Variants in IYD observed in about 807,000 individuals in gnomAD.
IYD encodes iodotyrosine deiodinase 1.
In IYD, 25 loss-of-function variants were observed where a neutral mutation model predicts 28.4. The observed-to-expected ratio is 0.88, with a 90% CI of 0.64 to 1.23. The LOEUF is 1.23. IYD is among the 50% of genes most tolerant of loss of function. The probability of loss-of-function intolerance (pLI) is 0.00; values close to 1 mark genes in which losing one functional copy is unlikely to be tolerated. For synonymous variants in IYD, 140 were observed against 130.8 expected, an observed-to-expected ratio of 1.07 and a Z score of -0.48; for missense variants, 352 against 357.9, an observed-to-expected ratio of 0.98 and a Z score of 0.13.
chr6:150,378,697 T>C (rs1004666399), intron 1 of IYD, among the ~76,000 whole-genome samples: 10 of 152,218 alleles, frequency 6.6e-5, no homozygotes, highest in Non-Finnish European at 1.3e-4. Context: ...CTGGTGGGAC[T>C]GTAAACTAGT....
Position 150,398,578 on chromosome 6 carries a change from G to A in IYD, c.*341G>A. 4.7e-6 allele frequency: 1 copy of A among 212,634 alleles called. No homozygotes were observed. The highest frequency in any genetic ancestry group is 1.1e-4 in the South Asian group (1 of 8,954). 13.2% of individuals were successfully genotyped at this position (212,634 alleles called of 1,614,324 possible). ...AGGAGACAATCAGAAATTTACCATA[G>A]TCCCAAGAATTCAGCTACATGATGA... On this transcript the variant is annotated 3_prime_UTR_variant, in exon 5 of 5. Coordinates refer to ENST00000344419, the MANE Select transcript of IYD (RefSeq NM_203395.3).
intron 1 of IYD, among the ~76,000 whole-genome samples, chr6:150,381,702 C>G (rs1277001259): frequency 6.6e-6 from 1 of 152,130 alleles, no homozygotes; most frequent in Non-Finnish European, 1.5e-5. Context: ...TTGCATTACT[C>G]TTACACAACT....
Position 150,402,133 on chromosome 6 carries a change from T to G in IYD, c.*3896T>G, listed in dbSNP as rs1778529180. On this transcript the variant is annotated 3_prime_UTR_variant, in exon 5 of 5. Transcript: ENST00000344419. ...ATGCAATGCTTGTGACTTGACGTGA[T>G]AAAAGTTCATTTATTGGGCAGGCAA... 1 of 152,242 alleles carries G rather than the reference T, an allele frequency of 6.6e-6. No homozygotes were observed. The highest frequency in any genetic ancestry group is 1.5e-5 in the Non-Finnish European group (1 of 68,048). 9.4% of individuals were successfully genotyped at this position (152,242 alleles called of 1,614,324 possible).
chr6:150,390,775 T>G (rs1319336990), intron 2 of IYD, among the ~76,000 whole-genome samples: 1 of 152,140 alleles, frequency 6.6e-6, no homozygotes, highest in Non-Finnish European at 1.5e-5. Context: ...AGCTGGCCCC[T>G]ACTCTCACCA....
At chr6:150,376,138 T>G (rs1199635614) in intron 1 of IYD, among the ~76,000 whole-genome samples, 4 of 152,090 alleles carry the variant, frequency 2.6e-5, no homozygotes, top group South Asian at 2.1e-4. Context: ...GCTGATAAGG[T>G]GTATTACCAC....
rs1332213325 is a variant in IYD at position 150,403,689 on chromosome 6, G to C, written c.*5452G>C. 6.6e-6 allele frequency: 1 copy of C among 152,246 alleles called. No individual in the cohort carries two copies. Among genetic ancestry groups the C allele is most frequent in the Non-Finnish European group, 1.5e-5 (1 of 68,048 alleles). The allele number at this position is 152,246 out of a possible 1,614,324, so 9.4% of individuals were successfully genotyped here. A position where few individuals can be genotyped will look rare whatever the true frequency, so the allele number is the denominator to read the frequency against. ...ATACAGTAGTTCTAATGAAATGTGA[G>C]AGGCTATAATCCCATTTGGGAAATT... On this transcript the variant is annotated 3_prime_UTR_variant, in exon 5 of 5. Coordinates refer to ENST00000344419, the MANE Select transcript of IYD (RefSeq NM_203395.3).
In IYD at chr6:150,394,135, T is replaced by C. The variant is rs1256176585; in HGVS notation, c.567T>C (p.Pro189=). The change falls in exon 4 of 5, where the codon CCT becomes CCC. Residue 189 remains proline, a synonymous_variant. Transcript: ENST00000344419. ...NWIKEYLDTA[P]ILILIFKQVH... ...TTAAAGAGTACTTGGATACTGCCCCTATTTTGATTCTCATTTTCAAACAAG... is the reference window on the plus strand; with the variant it reads ...TTAAAGAGTACTTGGATACTGCCCCCATTTTGATTCTCATTTTCAAACAAG... 1 of 1,614,196 alleles carries C rather than the reference T, an allele frequency of 6.2e-7. No homozygotes were observed. Among genetic ancestry groups the C allele is most frequent in the Admixed American group, 1.7e-5 (1 of 60,032 alleles).
chr6:150,383,619 C>T (rs1033381203), intron 1 of IYD, among the ~76,000 whole-genome samples: 36 of 152,028 alleles, frequency 2.4e-4, no homozygotes, highest in African/African-American at 8.0e-4. Context: ...GCCACAACCA[C>T]AAATTGCAGC....
chr6:150,396,271 T>A (rs1450482949), intron 4 of IYD: 1 of 402,548 alleles, frequency 2.5e-6, no homozygotes, highest in Non-Finnish European at 4.3e-6. Context: ...ACTTTTTTTT[T>A]CAAATTCAAG....
chr6:150,374,668 G>C (rs1243135639), intron 1 of IYD, among the ~76,000 whole-genome samples: 3 of 152,152 alleles, frequency 2.0e-5, no homozygotes, highest in African/African-American at 7.2e-5. Context: ...CCTCCCACTA[G>C]GTCCCTCCCA....
At chr6:150,388,680 T>TTTCTTTCTTTC in intron 1 of IYD, among the ~76,000 whole-genome samples, 1 of 144,980 alleles carries the variant, frequency 6.9e-6, no homozygotes, top group Non-Finnish European at 1.5e-5. Context: ...TCTTTCTTTC[T>TTTCTTTCTTTC]TTCTTCTTTC....
chr6:150,403,823 T>C lies in IYD; in HGVS notation c.*5586T>C, dbSNP rs1287143209. On this transcript the variant is annotated 3_prime_UTR_variant, in exon 5 of 5. Coordinates refer to ENST00000344419, the MANE Select transcript of IYD (RefSeq NM_203395.3). Reference sequence around the variant, plus strand: ...GAATTCAACAGCATTTAAATGTCTTTAGAGCAGGATGGAAATATGTTAGCA... The same window carrying C: ...GAATTCAACAGCATTTAAATGTCTTCAGAGCAGGATGGAAATATGTTAGCA... 6.6e-6 allele frequency: 1 copy of C among 152,234 alleles called. No homozygotes were observed. The highest frequency in any genetic ancestry group is 2.4e-5 in the African/African-American group (1 of 41,466). The allele number at this position is 152,234 out of a possible 1,614,324, so 9.4% of individuals were successfully genotyped here.
At chr6:150,393,665 A>C (rs1778204537) in intron 3 of IYD, among the ~76,000 whole-genome samples, 1 of 152,238 alleles carries the variant, frequency 6.6e-6, no homozygotes, top group African/African-American at 2.4e-5. Flanking sequence ...TGGAAAACAA[A>C]AATTCAGTTC....
chr6:150,371,042 C>A (rs1582763009), intron 1 of IYD, among the ~76,000 whole-genome samples: 1 of 152,024 alleles, frequency 6.6e-6, no homozygotes, highest in African/African-American at 2.4e-5. Flanking sequence ...ACAAAGTGGG[C>A]ATTGCTAGAG....
rs757276785 is a variant in IYD, at chr6:150,389,583, C to A, written c.370+40C>A. 9.8e-6 allele frequency: 15 copies of A among 1,532,178 alleles called. No individual in the cohort carries two copies. In the East Asian group the frequency reaches 2.9e-4, roughly 30 times the overall value. The allele number at this position is 1,532,178 out of a possible 1,614,324, so 94.9% of individuals were successfully genotyped here. Reference sequence around the variant, plus strand: ...ATGGGGTCTTTGGAAATGTTAGTCACCTTACTGGTGTGACTCCAACAATGG... The same window carrying A: ...ATGGGGTCTTTGGAAATGTTAGTCAACTTACTGGTGTGACTCCAACAATGG... On this transcript the variant is annotated intron_variant, in intron 2 of 4. Coordinates refer to ENST00000344419, the MANE Select transcript of IYD (RefSeq NM_203395.3).
rs902410401 is a variant in IYD at position 150,401,759 on chromosome 6, T to C, written c.*3522T>C. ...CCTTAAAACCAAAAAAATAATGGAA[T>C]GATTGCATCACTGCGAGGAAGTATA... On this transcript the variant is annotated 3_prime_UTR_variant, in exon 5 of 5. Transcript: ENST00000344419. The C allele has an allele frequency of 6.6e-6, 1 of 152,206 alleles. No homozygotes were observed. Among genetic ancestry groups the C allele is most frequent in the Admixed American group, 6.5e-5 (1 of 15,282 alleles). The allele number at this position is 152,206 out of a possible 1,614,324, so 9.4% of individuals were successfully genotyped here.
chr6:150,396,346 C>T (rs1242501270), intron 4 of IYD: 1 of 457,674 alleles, frequency 2.2e-6, no homozygotes, highest in Admixed American at 4.0e-5. Flanking sequence ...TTAAAAAAAT[C>T]CTGACCTATA....
chr6:150,370,325 G>A (rs1333598672), intron 1 of IYD: 1 of 171,662 alleles, frequency 5.8e-6, no homozygotes. Context: ...GTGCACGAGT[G>A]GGTGAGTGTG....
chr6:150,392,311 T>C (rs779256817), intron 2 of IYD, 34 bp from the exon 3 acceptor site: 2 of 1,611,598 alleles, frequency 1.2e-6, no homozygotes, highest in South Asian at 1.1e-5. Flanking sequence ...TTTCCTGCAG[T>C]TTTAATTTCT....
Sources: gnomAD v4.1 joint callset for allele counts (sites outside exome capture counted in the v4.1 genomes callset) on GRCh38, gnomAD v4.1.1 for gene constraint, MANE v1.5 for transcripts, NCBI Gene and HGNC (gene_info 2026-07-23, HGNC 2026-07-21) for gene names.